Variants in LRRC37A2 observed in about 807,000 individuals in gnomAD.
LRRC37A2 encodes leucine rich repeat containing 37 member A2, also known as leucine-rich repeat-containing protein 37A2.
Under a neutral mutation model 68.8 loss-of-function variants are expected in LRRC37A2, and 9 were observed. The observed-to-expected ratio is 0.13, with a 90% CI of 0.08 to 0.23. LRRC37A2 has a LOEUF of 0.23. LRRC37A2 is among the 10% of genes least tolerant of loss of function. LRRC37A2 has a pLI of 1.00. For missense variants in LRRC37A2, 168 were observed against 950.4 expected (o/e 0.18, Z 10.82); for synonymous variants, 63 against 367.6 (o/e 0.17, Z 9.48).
At chr17:46,981,969 G>C in the LRRC37A2 span, among the ~76,000 whole-genome samples, 5 of 152,124 alleles carry the variant, frequency 3.3e-5, no homozygotes, top group African/African-American at 1.2e-4. Flanking sequence ...CCAAAGTGTT[G>C]GGATTACAGG....
chr17:46,709,897 C>A, the LRRC37A2 span, among the ~76,000 whole-genome samples: 1 of 152,154 alleles, frequency 6.6e-6, no homozygotes, highest in Non-Finnish European at 1.5e-5. Flanking sequence ...AGAATGAGAA[C>A]CTTCCTCTGT....
the LRRC37A2 span, among the ~76,000 whole-genome samples, chr17:46,819,478 G>A: frequency 1.3e-5 from 2 of 152,196 alleles, no homozygotes; most frequent in East Asian, 3.9e-4. This position sits in a 1 kb window ranked among gnomAD's most constrained non-coding sequence, Gnocchi z 5.3. Flanking sequence ...CTCCTTGAGG[G>A]GTTCAGGCCC....
At chr17:46,888,381 G>T in the LRRC37A2 span, among the ~76,000 whole-genome samples, 16 of 152,162 alleles carry the variant, frequency 1.1e-4, no homozygotes, top group African/African-American at 3.9e-4. Context: ...TGTGCTTACT[G>T]TATGGTAGCT....
chr17:46,836,099 T>C, the LRRC37A2 span, among the ~76,000 whole-genome samples: 1 of 120,776 alleles, frequency 8.3e-6, no homozygotes, highest in Non-Finnish European at 2.0e-5. Context: ...CGCTGACGTG[T>C]GTGTGTGTGT....
the LRRC37A2 span, among the ~76,000 whole-genome samples, chr17:46,942,347 C>T: frequency 6.6e-6 from 1 of 152,240 alleles, no homozygotes; most frequent in Non-Finnish European, 1.5e-5. Flanking sequence ...CCCTGCCAAT[C>T]TGAAACCCTC....
At chr17:46,735,989 T>A in the LRRC37A2 span, among the ~76,000 whole-genome samples, 1 of 152,074 alleles carries the variant, frequency 6.6e-6, no homozygotes, top group African/African-American at 2.4e-5. Flanking sequence ...CCTTTTCAGC[T>A]TGTAAGATAG....
the LRRC37A2 span, among the ~76,000 whole-genome samples, chr17:46,871,240 G>C: frequency 1.3e-5 from 2 of 152,124 alleles, no homozygotes; most frequent in Non-Finnish European, 2.9e-5. Flanking sequence ...TATGAGGCCA[G>C]GATATCCCAG....
the LRRC37A2 span, among the ~76,000 whole-genome samples, chr17:46,841,456 C>T: frequency 2.0e-5 from 3 of 152,182 alleles, no homozygotes; most frequent in Admixed American, 2.0e-4. Flanking sequence ...CACCTCTGGG[C>T]GGGAGGGTGG....
At chr17:47,026,704 A>C in the LRRC37A2 span, among the ~76,000 whole-genome samples, 7 of 152,382 alleles carry the variant, frequency 4.6e-5, no homozygotes, top group African/African-American at 1.7e-4. Context: ...GAAATATTAA[A>C]GCAATATAAA....
the LRRC37A2 span, among the ~76,000 whole-genome samples, chr17:46,917,671 C>A: frequency 6.6e-6 from 1 of 152,338 alleles, no homozygotes; most frequent in African/African-American, 2.4e-5. Flanking sequence ...TGCCCTACTG[C>A]AGACTATGTG....
chr17:46,552,681 C>A (rs983604380), intron 11 of LRRC37A2: 1 of 76,386 alleles, frequency 1.3e-5, no homozygotes, highest in Admixed American at 1.3e-4. Flanking sequence ...TCAGATTCAA[C>A]TAGATCAGGC....
At chr17:46,891,196 T>C in the LRRC37A2 span, among the ~76,000 whole-genome samples, 11 of 152,240 alleles carry the variant, frequency 7.2e-5, no homozygotes, top group African/African-American at 1.2e-4. Flanking sequence ...GTGACTTGGG[T>C]ATTACGTGTT....
At chr17:46,871,599 T>G in the LRRC37A2 span, among the ~76,000 whole-genome samples, 2 of 152,300 alleles carry the variant, frequency 1.3e-5, no homozygotes, top group East Asian at 1.9e-4. Flanking sequence ...TTAGTCCATT[T>G]CATATAATCC....
the LRRC37A2 span, among the ~76,000 whole-genome samples, chr17:46,767,779 T>TTTTG: frequency 0.036 from 5,476 of 152,142 alleles, 189 homozygotes; most frequent in African/African-American, 0.085. Flanking sequence ...TTTTGTTTTT[T>TTTTG]TTTGTTTGTT....
At chr17:46,803,572 CT>C in the LRRC37A2 span, among the ~76,000 whole-genome samples, 53 of 152,218 alleles carry the variant, frequency 3.5e-4, no homozygotes, top group Non-Finnish European at 6.6e-4. Context: ...ATCCTCCTAT[CT>C]TGGCAAAAAC....
chr17:46,721,225 C>T, the LRRC37A2 span, among the ~76,000 whole-genome samples: 1 of 152,210 alleles, frequency 6.6e-6, no homozygotes. Context: ...CGTACCTCCA[C>T]CTTTGCATGC....
At chr17:46,795,653 C>T in the LRRC37A2 span, among the ~76,000 whole-genome samples, 6 of 152,194 alleles carry the variant, frequency 3.9e-5, no homozygotes, top group African/African-American at 4.8e-5. Flanking sequence ...CAGTGGGTGA[C>T]GACACCAAGC....
chr17:46,823,819 C>T, the LRRC37A2 span, among the ~76,000 whole-genome samples: 3 of 152,138 alleles, frequency 2.0e-5, no homozygotes, highest in African/African-American at 4.8e-5. Flanking sequence ...GGGCACTGGC[C>T]GGTTGCCTGT....
At chr17:46,873,588 G>A in the LRRC37A2 span, among the ~76,000 whole-genome samples, 1 of 152,228 alleles carries the variant, frequency 6.6e-6, no homozygotes, top group African/African-American at 2.4e-5. Flanking sequence ...CCTGGGCGCA[G>A]TGGCTTGTGC....
Sources: gnomAD v4.1 joint callset for allele counts (sites outside exome capture counted in the v4.1 genomes callset) on GRCh38, gnomAD v4.1.1 for gene constraint, Gnocchi (gnomAD v3.1) non-coding constraint, MANE v1.5 for transcripts, NCBI Gene and HGNC (gene_info 2026-07-23, HGNC 2026-07-21) for gene names.